Variants in DNAH9 observed in about 807,000 individuals in gnomAD.
DNAH9 encodes DNAH9 variant protein.
A neutral mutation model predicts 471.6 loss-of-function variants in DNAH9; 345 were observed. The ratio of observed to expected loss-of-function variants is 0.73; its 90% CI spans 0.67 to 0.80. The LOEUF is 0.80. Among genes scored for constraint, DNAH9 ranks in the 30% least tolerant of loss-of-function variants. DNAH9 has a pLI of 0.00. For missense variants in DNAH9, 5,407 were observed against 5,609.2 expected (o/e 0.96, Z 1.15); for synonymous variants, 2,093 against 2,123.6 (o/e 0.99, Z 0.40).
Position 11,871,679 on chromosome 17 carries a change from G to T in DNAH9, c.10135G>T (p.Asp3379Tyr). Reference protein sequence around the residue: ...FKQQERTLCGDILLITAFISY... With the variant: ...FKQQERTLCGYILLITAFISY... ...ACAGCAGGAAAGGACGTTATGTGGAGACATTTTACTTATAACGGCTTTCAT... is the reference window on the plus strand; with the variant it reads ...ACAGCAGGAAAGGACGTTATGTGGATACATTTTACTTATAACGGCTTTCAT... Residue 3379 changes from aspartate to tyrosine, a missense_variant, in exon 52 of 69, where the codon GAC becomes TAC. Physicochemically the swap from Asp to Tyr is radical, Grantham distance 160 (BLOSUM62 -3). Around this residue, in one of 3 missense-constraint regions of DNAH9, gnomAD observed 4,636 missense variants for 4,900.3 expected, o/e 0.95. Transcript: ENST00000262442. 1.2e-6 allele frequency: 2 copies of T among 1,614,230 alleles called. No individual in the cohort carries two copies. The highest frequency in any genetic ancestry group is 8.5e-7 in the Non-Finnish European group (1 of 1,180,026).
chr17:11,952,139 CTTTTTTTT>C (rs71142258), intron 67 of DNAH9, among the ~76,000 whole-genome samples: 253 of 101,974 alleles, frequency 2.5e-3, no homozygotes, highest in African/African-American at 9.4e-3. Context: ...AGCTATATTA[CTTTTTTTT>C]TTTTTTTTTT....
chr17:11,843,863 G>GTGTGTGTGTGTATATAGATATATA (rs1253794533), intron 49 of DNAH9, among the ~76,000 whole-genome samples: 1 of 46,466 alleles, frequency 2.2e-5, no homozygotes, highest in Non-Finnish European at 4.1e-5. Flanking sequence ...GTGTGTGTGT[G>GTGTGTGTGTGTATATAGATATATA]TATATATATA....
At chr17:11,728,095 TG>T in intron 28 of DNAH9, 173 bp downstream of exon 28, 1 of 593,644 alleles carries the variant, frequency 1.7e-6, no homozygotes, top group South Asian at 2.1e-5. Flanking sequence ...TCCTCCAAAA[TG>T]GGTATCCTTC....
intron 6 of DNAH9, among the ~76,000 whole-genome samples, chr17:11,621,053 A>G (rs2072849092): frequency 6.6e-6 from 1 of 152,138 alleles, no homozygotes; most frequent in Non-Finnish European, 1.5e-5. Flanking sequence ...AGGGAGGGTA[A>G]TGGGCCTAAT....
At chr17:11,632,531 T>C in intron 7 of DNAH9, 56 bp from the exon 8 acceptor site, 1 of 819,524 alleles carries the variant, frequency 1.2e-6, no homozygotes, top group Non-Finnish European at 2.1e-6. Flanking sequence ...AGGAGCATAG[T>C]GGGGTTGGCT....
chr17:11,729,608 G>A (rs555337751), intron 28 of DNAH9, among the ~76,000 whole-genome samples: 3 of 152,126 alleles, frequency 2.0e-5, no homozygotes, highest in African/African-American at 4.8e-5. Flanking sequence ...TAAGGAAAGC[G>A]TTTAGCTTGA....
chr17:11,689,858 C>A lies in DNAH9; in HGVS notation c.4036C>A (p.Leu1346Met), dbSNP rs1411548515. 1 of 1,611,056 alleles carries A rather than the reference C, an allele frequency of 6.2e-7. No homozygotes were observed. The highest frequency in any genetic ancestry group is 8.5e-7 in the Non-Finnish European group (1 of 1,178,368). Residue 1346 changes from leucine (L) to methionine (M), a missense_variant, in exon 20 of 69, where the codon CTG becomes ATG. Physicochemically the swap from Leu to Met is conservative, Grantham distance 15. This residue lies in a region of DNAH9 where 4,636 missense variants were observed against 4,900.3 expected (regional missense o/e 0.95). Coordinates refer to ENST00000262442, the MANE Select transcript of DNAH9 (RefSeq NM_001372.4). The stretch of plus-strand genomic sequence containing the variant: ...ACAGTTTGCCCGGCATATCCGAAAC[C>A]TGGACAAGGAGGTCAGGGCCTGGGA... ...CKQFARHIRN[L>M]DKEVRAWDAF... is the part of the protein sequence containing the mutation.
intron 20 of DNAH9, among the ~76,000 whole-genome samples, chr17:11,693,247 T>G (rs1236651403): frequency 7.2e-6 from 1 of 138,748 alleles, no homozygotes; most frequent in Non-Finnish European, 1.6e-5. Flanking sequence ...CTTTTTTTTT[T>G]TTTTTTTTTT....
At chr17:11,916,192 A>G (rs1973951248) in intron 61 of DNAH9, among the ~76,000 whole-genome samples, 1 of 152,082 alleles carries the variant, frequency 6.6e-6, no homozygotes, top group African/African-American at 2.4e-5. Flanking sequence ...GCAATTTCCT[A>G]TTGTTCTTAG....
chr17:11,819,925 T>C (rs1970249934), intron 45 of DNAH9, among the ~76,000 whole-genome samples: 1 of 152,128 alleles, frequency 6.6e-6, no homozygotes, highest in Non-Finnish European at 1.5e-5. Flanking sequence ...ACCTTAAACA[T>C]TTTATTTTAT....
chr17:11,755,614 A>G (rs1384290481), intron 33 of DNAH9, among the ~76,000 whole-genome samples: 1 of 151,656 alleles, frequency 6.6e-6, no homozygotes, highest in African/African-American at 2.4e-5. Flanking sequence ...GTTCCAATAT[A>G]GTCTAGTTCA....
At chr17:11,642,349 G>T (rs894374665) in intron 10 of DNAH9, among the ~76,000 whole-genome samples, 3 of 151,608 alleles carry the variant, frequency 2.0e-5, no homozygotes, top group African/African-American at 7.3e-5. Context: ...AACCATCCTG[G>T]CCAACATGGT....
At chr17:11,620,792 C>T (rs2072842103) in intron 6 of DNAH9, among the ~76,000 whole-genome samples, 1 of 152,166 alleles carries the variant, frequency 6.6e-6, no homozygotes, top group Admixed American at 6.5e-5. Flanking sequence ...ACTTCTCCTC[C>T]TCCACTCCCC....
chr17:11,711,363 T>G (rs561311918), intron 26 of DNAH9, among the ~76,000 whole-genome samples: 9 of 152,308 alleles, frequency 5.9e-5, no homozygotes, highest in Admixed American at 3.3e-4. Flanking sequence ...ATGTTATTTC[T>G]TTTGTTTTCA....
rs928600606 is a variant in DNAH9, at chr17:11,955,159, G to A, written c.12844-6708G>A. On this transcript the variant is annotated intron_variant, in intron 67 of 68. Transcript: ENST00000262442. ...GCATTCAGCAAACTGTCAGCCAACA[G>A]GCCAAATCCAGCCCACAACCTGTTT... 1.2e-4 allele frequency among the ~76,000 whole-genome samples: 19 copies of A among 152,228 alleles called. No individual in the cohort carries two copies. In the East Asian group the frequency reaches 3.5e-3, roughly 28 times the overall value.
intron 42 of DNAH9, among the ~76,000 whole-genome samples, 196 bp downstream of exon 42, chr17:11,793,860 A>G (rs1400772064): frequency 6.6e-6 from 1 of 152,044 alleles, no homozygotes; most frequent in Non-Finnish European, 1.5e-5. Context: ...CCAGAATCCC[A>G]GTGTTGAAGA....
chr17:11,906,413 G>A (rs2151016144), intron 61 of DNAH9, among the ~76,000 whole-genome samples: 1 of 152,108 alleles, frequency 6.6e-6, no homozygotes, highest in South Asian at 2.1e-4. Context: ...AATCACCTGA[G>A]GTCAGGAGTT....
intron 26 of DNAH9, among the ~76,000 whole-genome samples, chr17:11,714,507 C>G (rs1204934293): frequency 6.6e-6 from 1 of 152,136 alleles, no homozygotes; most frequent in East Asian, 1.9e-4. Context: ...GTTATTGAAC[C>G]ATGTGGTAGA....
intron 67 of DNAH9, among the ~76,000 whole-genome samples, chr17:11,960,435 T>TAAAAAAAAAAAAAAAAAAAAAAAAAAAAA (rs3074845): frequency 5.6e-5 from 3 of 54,046 alleles, no homozygotes; most frequent in Non-Finnish European, 9.9e-5. Flanking sequence ...GACTCTGTCT[T>TAAAAAAAAAAAAAAAAAAAAAAAAAAAAA]AAAAAAAAAA....
Sources: gnomAD v4.1 joint callset for allele counts (sites outside exome capture counted in the v4.1 genomes callset) on GRCh38, gnomAD v4.1.1 for gene constraint, gnomAD v4.1.1 regional missense constraint, MANE v1.5 for transcripts, NCBI Gene and HGNC (gene_info 2026-07-23, HGNC 2026-07-21) for gene names.